PTPN11: variants seen among roughly 807,000 people sequenced by gnomAD.
The protein encoded by PTPN11 is protein tyrosine phosphatase non-receptor type 11, also known as tyrosine-protein phosphatase non-receptor type 11.
A neutral mutation model predicts 78.8 loss-of-function variants in PTPN11; 6 were observed. That is an observed-to-expected ratio of 0.08 (90% CI 0.04 to 0.15). The LOEUF (loss-of-function observed/expected upper bound fraction) is 0.15, where lower values mean the gene tolerates loss of function less well. PTPN11 is among the 10% of genes least tolerant of loss of function. The pLI is 1.00. For synonymous variants in PTPN11, 221 were observed against 263.5 expected, an observed-to-expected ratio of 0.84 and a Z score of 1.56; for missense variants, 386 against 744.8, an observed-to-expected ratio of 0.52 and a Z score of 5.61.
chr12:112,452,318 C>T (rs1566168169), intron 3 of PTPN11, among the ~76,000 whole-genome samples: 1 of 152,090 alleles, frequency 6.6e-6, no homozygotes, highest in Non-Finnish European at 1.5e-5. Context: ...CCTCCGCCTC[C>T]CAGGTTCAAG....
intron 6 of PTPN11, chr12:112,457,489 T>C (rs1252261745): frequency 5.8e-6 from 1 of 173,216 alleles, no homozygotes; most frequent in Non-Finnish European, 1.2e-5. Context: ...TGTGTGCATA[T>C]GTCTTTATAG....
chr12:112,471,454 A>AAGAGAGAGAGAGAGAGAGAGAG (rs56070053), intron 6 of PTPN11, among the ~76,000 whole-genome samples: 13 of 126,356 alleles, frequency 1.0e-4, no homozygotes, highest in East Asian at 4.7e-4. Context: ...GATAAACAGA[A>AAGAGAGAGAGAGAGAGAGAGAG]AGAGAGAGAG....
At chr12:112,420,991 G>T (rs1379388109) in intron 1 of PTPN11, among the ~76,000 whole-genome samples, 1 of 152,180 alleles carries the variant, frequency 6.6e-6, no homozygotes, top group Non-Finnish European at 1.5e-5. Flanking sequence ...ACGGGGCTGG[G>T]GGTTGGGAAA....
chr12:112,466,896 C>T (rs1162174921), intron 6 of PTPN11, among the ~76,000 whole-genome samples: 3 of 151,698 alleles, frequency 2.0e-5, no homozygotes, highest in African/African-American at 7.2e-5. Context: ...TATTTTCTGT[C>T]TGCCTCTCTC....
intron 10 of PTPN11, among the ~76,000 whole-genome samples, chr12:112,483,001 T>A (rs1007870419): frequency 1.3e-5 from 2 of 152,188 alleles, no homozygotes; most frequent in Non-Finnish European, 2.9e-5. Flanking sequence ...CCTGGCACCA[T>A]GCTGCTTGCT....
chr12:112,435,968 T>G (rs919763521), intron 1 of PTPN11, among the ~76,000 whole-genome samples: 1 of 152,100 alleles, frequency 6.6e-6, no homozygotes, highest in Non-Finnish European at 1.5e-5. Flanking sequence ...GAGGATCACT[T>G]GAGTCCAGGA....
At chr12:112,490,410 G>A (rs1018818798) in intron 13 of PTPN11, among the ~76,000 whole-genome samples, 1 of 150,580 alleles carries the variant, frequency 6.6e-6, no homozygotes, top group African/African-American at 2.4e-5. Flanking sequence ...AGGCTTAAGC[G>A]ATCCTCCCAC....
intron 1 of PTPN11, among the ~76,000 whole-genome samples, chr12:112,424,982 G>A (rs959066321): frequency 1.6e-4 from 23 of 143,404 alleles, no homozygotes; most frequent in African/African-American, 5.7e-4. Context: ...GTGTGTGTGT[G>A]TGTGTGTGTG....
intron 1 of PTPN11, among the ~76,000 whole-genome samples, chr12:112,430,952 C>T (rs1473298149): frequency 6.6e-6 from 1 of 152,166 alleles, no homozygotes; most frequent in African/African-American, 2.4e-5. Context: ...GTCAGTACCA[C>T]CGATTGGGTG....
At position 112,442,811 on chromosome 12, in the gene PTPN11, CCTCT is replaced by C. The variant is rs1213962210; in HGVS notation, c.15-3452_15-3449del. On this transcript the variant is annotated intron_variant, in intron 1 of 15. Coordinates refer to ENST00000351677, the MANE Select transcript of PTPN11 (RefSeq NM_002834.5). ...AACCTGTACCATGTTTACTCTCTCT[CCTCT>C]CTCTCTCTCTCTTTTTATATATATA... Among the ~76,000 whole-genome samples the C allele has an allele frequency of 8.0e-5, 9 of 112,580 alleles. No individual in the cohort carries two copies. The South Asian group carries it at 8.4e-4, about 10-fold the overall frequency. The allele number at this position is 112,580 out of a possible 152,430, so 73.9% of individuals were successfully genotyped here. A position where few individuals can be genotyped will look rare whatever the true frequency, so the allele number is the denominator to read the frequency against.
At chr12:112,455,069 C>G (rs1313854077) in intron 5 of PTPN11, among the ~76,000 whole-genome samples, 4 of 152,000 alleles carry the variant, frequency 2.6e-5, no homozygotes, top group African/African-American at 9.6e-5. Flanking sequence ...TTCTGCCCGC[C>G]TTGGCCTCCC....
At position 112,448,685 on chromosome 12, in the gene PTPN11, CAT is replaced by C. The variant is rs780276996; in HGVS notation, c.138-1632_138-1631del. Among the ~76,000 whole-genome samples, 196 of 152,126 alleles carry C rather than the reference CAT, an allele frequency of 1.3e-3. 1 individual carries two copies. The highest frequency in any genetic ancestry group is 1.6e-3 in the African/African-American group (66 of 41,494). On this transcript the variant is annotated intron_variant, in intron 2 of 15. Coordinates refer to ENST00000351677, the MANE Select transcript of PTPN11 (RefSeq NM_002834.5). Reference sequence around the variant, plus strand: ...TTTAATCAGCTGGATCGCATTCTATCATGTGAATATTTTATAACTTCTATATA... The same window carrying C: ...TTTAATCAGCTGGATCGCATTCTATCGTGAATATTTTATAACTTCTATATA...
chr12:112,436,154 G>A (rs1396726387), intron 1 of PTPN11, among the ~76,000 whole-genome samples: 1 of 152,032 alleles, frequency 6.6e-6, no homozygotes, highest in East Asian at 1.9e-4. Context: ...ACCAATATCG[G>A]GCTAAGTAGC....
At chr12:112,464,474 AC>A (rs2038296348) in intron 6 of PTPN11, among the ~76,000 whole-genome samples, 1 of 151,924 alleles carries the variant, frequency 6.6e-6, no homozygotes, top group Non-Finnish European at 1.5e-5. Context: ...TCACTCTGTC[AC>A]CCAGGCTGGA....
At chr12:112,435,708 A>G (rs1007826833) in intron 1 of PTPN11, among the ~76,000 whole-genome samples, 1 of 149,328 alleles carries the variant, frequency 6.7e-6, no homozygotes, top group Non-Finnish European at 1.5e-5. Context: ...AAAAATGATT[A>G]GAATTCTATT....
chr12:112,486,924 C>T, intron 11 of PTPN11: 1 of 1,365,822 alleles, frequency 7.3e-7, no homozygotes, highest in Non-Finnish European at 9.5e-7. Context: ...TTCATCCTGG[C>T]TCTGCAGTTT....
intron 1 of PTPN11, among the ~76,000 whole-genome samples, chr12:112,441,770 C>T (rs1010741873): frequency 6.6e-6 from 1 of 151,872 alleles, no homozygotes; most frequent in Admixed American, 6.6e-5. Context: ...TTTTGAAATC[C>T]ATGAAGAATA....
At chr12:112,467,307 T>G (rs1284738661) in intron 6 of PTPN11, among the ~76,000 whole-genome samples, 1 of 151,960 alleles carries the variant, frequency 6.6e-6, no homozygotes, top group Non-Finnish European at 1.5e-5. Flanking sequence ...AATATCTGAG[T>G]CTAGGTAATT....
At chr12:112,485,982 GA>G (rs1248676882) in intron 10 of PTPN11, among the ~76,000 whole-genome samples, 6,139 of 121,014 alleles carry the variant, frequency 0.051, 255 homozygotes, top group African/African-American at 0.14. Context: ...CTCTGTCTTG[GA>G]AAAAAAAAAA....
Sources: gnomAD v4.1 joint callset for allele counts (sites outside exome capture counted in the v4.1 genomes callset) on GRCh38, gnomAD v4.1.1 for gene constraint, MANE v1.5 for transcripts, NCBI Gene and HGNC (gene_info 2026-07-23, HGNC 2026-07-21) for gene names.